Variants in SND1 observed in about 807,000 individuals in gnomAD.
The protein encoded by SND1 is staphylococcal nuclease domain-containing protein 1.
In SND1, 38 loss-of-function variants were observed where a neutral mutation model predicts 121.7. The ratio of observed to expected loss-of-function variants is 0.31; its 90% CI spans 0.24 to 0.41. SND1 has a LOEUF of 0.41. Ranked by LOEUF, SND1 falls within the 10% of genes least tolerant of loss-of-function variation. The probability of loss-of-function intolerance (pLI) is 1.00; values close to 1 mark genes in which losing one functional copy is unlikely to be tolerated. For missense variants in SND1, 868 were observed against 1,184.6 expected (o/e 0.73, Z 3.92); for synonymous variants, 401 against 447.4 (o/e 0.90, Z 1.31).
At chr7:127,712,261 C>T (rs906031763) in intron 9 of SND1, among the ~76,000 whole-genome samples, 3 of 152,096 alleles carry the variant, frequency 2.0e-5, no homozygotes, top group East Asian at 1.9e-4. Context: ...TGGGCTTAAG[C>T]GATCCTCGTG....
intron 12 of SND1, among the ~76,000 whole-genome samples, chr7:127,850,629 G>A (rs759368518): frequency 9.2e-5 from 14 of 152,252 alleles, no homozygotes; most frequent in Non-Finnish European, 1.8e-4. Context: ...GAGGGTTGTT[G>A]TTTTTTTCCA....
intron 14 of SND1, among the ~76,000 whole-genome samples, chr7:127,908,353 T>C (rs1177594222): frequency 2.7e-5 from 4 of 147,988 alleles, no homozygotes; most frequent in African/African-American, 7.5e-5. Flanking sequence ...TGTGTGTGTG[T>C]GTGTGTGCGT....
intron 20 of SND1, 138 bp from the exon 21 acceptor site, chr7:128,086,800 C>A: frequency 1.4e-6 from 1 of 739,880 alleles, no homozygotes; most frequent in Non-Finnish European, 2.4e-6. Flanking sequence ...TTGTACATTG[C>A]AAAGTGGAAC....
intron 16 of SND1, among the ~76,000 whole-genome samples, chr7:128,043,483 A>G (rs1792891266): frequency 6.6e-6 from 1 of 152,034 alleles, no homozygotes; most frequent in South Asian, 2.1e-4. Flanking sequence ...CTGAGGTGGG[A>G]GAATCACTTG....
intron 13 of SND1, among the ~76,000 whole-genome samples, 156 bp downstream of exon 13, chr7:127,888,168 A>G (rs761950141): frequency 1.3e-5 from 2 of 152,138 alleles, no homozygotes; most frequent in Non-Finnish European, 2.9e-5. Flanking sequence ...AGAAGGACAC[A>G]CTTTGAACTT....
At chr7:127,974,901 C>T (rs1194171265) in intron 15 of SND1, among the ~76,000 whole-genome samples, 1 of 152,178 alleles carries the variant, frequency 6.6e-6, no homozygotes, top group Non-Finnish European at 1.5e-5. Context: ...CCTTTGTCCC[C>T]TGGGTCTTGA....
chr7:127,999,096 G>A (rs535806614), intron 16 of SND1: 1 of 152,352 alleles, frequency 6.6e-6, no homozygotes, highest in East Asian at 1.9e-4. Flanking sequence ...GGGCTGACTG[G>A]TGTAGGTTTG....
At chr7:128,084,635 G>T in intron 18 of SND1, 89 bp from the exon 19 acceptor site, 1 of 1,411,058 alleles carries the variant, frequency 7.1e-7, no homozygotes, top group South Asian at 1.5e-5. Context: ...TTTACATTGA[G>T]CTCCCTCCCC....
intron 16 of SND1, among the ~76,000 whole-genome samples, chr7:128,037,401 T>TTATCC (rs1198434187): frequency 1.3e-5 from 2 of 152,230 alleles, no homozygotes; most frequent in Non-Finnish European, 2.9e-5. Context: ...CCTACCTGGA[T>TTATCC]AATCCAGGAT....
chr7:128,076,671 A>G (rs1362285698), intron 17 of SND1, among the ~76,000 whole-genome samples: 1 of 152,174 alleles, frequency 6.6e-6, no homozygotes, highest in African/African-American at 2.4e-5. Flanking sequence ...CTGTCAAGAG[A>G]CAGTGGTTAC....
chr7:127,659,261 G>A (rs752053178), intron 1 of SND1, among the ~76,000 whole-genome samples: 4 of 152,090 alleles, frequency 2.6e-5, no homozygotes, highest in Non-Finnish European at 5.9e-5. Flanking sequence ...GGAATGTTAC[G>A]GGATTTCACT....
intron 10 of SND1, among the ~76,000 whole-genome samples, chr7:127,770,148 G>A (rs1024166588): frequency 2.0e-5 from 3 of 152,170 alleles, no homozygotes; most frequent in African/African-American, 7.2e-5. Flanking sequence ...AGAATTGTGT[G>A]CACTCATTGC....
intron 16 of SND1, among the ~76,000 whole-genome samples, chr7:128,007,156 T>C (rs887745055): frequency 1.3e-5 from 2 of 152,160 alleles, no homozygotes; most frequent in Non-Finnish European, 2.9e-5. Context: ...CAATTGTTTT[T>C]TTTCCCATGG....
At chr7:127,693,832 T>A (rs946958930) in intron 2 of SND1, among the ~76,000 whole-genome samples, 1 of 152,202 alleles carries the variant, frequency 6.6e-6, no homozygotes, top group African/African-American at 2.4e-5. Context: ...ACTTGGGACA[T>A]TAAACCAGGT....
At chr7:127,696,085 T>A (rs947288847) in intron 3 of SND1, among the ~76,000 whole-genome samples, 5 of 152,206 alleles carry the variant, frequency 3.3e-5, no homozygotes, top group Non-Finnish European at 7.3e-5. Context: ...GAATTTTTTT[T>A]AAGTTTCCTT....
chr7:127,953,361 C>T (rs1488360517), intron 15 of SND1, among the ~76,000 whole-genome samples: 1 of 152,108 alleles, frequency 6.6e-6, no homozygotes, highest in Admixed American at 6.6e-5. Flanking sequence ...TATTTTACCA[C>T]CCCACACACT....
intron 1 of SND1, among the ~76,000 whole-genome samples, chr7:127,666,111 G>A (rs949226831): frequency 6.6e-6 from 1 of 152,192 alleles, no homozygotes; most frequent in African/African-American, 2.4e-5. Context: ...CTCTTGTGAG[G>A]GCTTTAGAAT....
At chr7:127,879,232 A>G (rs917483706) in intron 12 of SND1, among the ~76,000 whole-genome samples, 1 of 152,134 alleles carries the variant, frequency 6.6e-6, no homozygotes, top group South Asian at 2.1e-4. Flanking sequence ...TTGTCAGCTT[A>G]CAGAAGCCAA....
In SND1 at chr7:128,081,511, C is replaced by T. The variant is rs1446549823; in HGVS notation, c.2110+10C>T. 6.2e-7 allele frequency: 1 copy of T among 1,613,334 alleles called. No homozygotes were observed. Among genetic ancestry groups the T allele is most frequent in the South Asian group, 1.1e-5 (1 of 91,052 alleles). On this transcript the variant is annotated intron_variant, in intron 18 of 23. Transcript: ENST00000354725. ...CAGGATGTGGAGACCGGTGAGTGCT[C>T]AGGCCGCTGGCTCGTGGTTCCTGGC...
Sources: allele counts gnomAD v4.1 joint callset (sites outside exome capture counted in the v4.1 genomes callset), GRCh38; gene constraint gnomAD v4.1.1; transcripts MANE v1.5; gene names NCBI Gene and HGNC (gene_info 2026-07-23, HGNC 2026-07-21).